Variants in LGSN observed in about 807,000 individuals in gnomAD.
LGSN encodes the protein lengsin, lens protein with glutamine synthetase domain.
Under a neutral mutation model 19.5 loss-of-function variants are expected in LGSN, and 21 were observed. That is an observed-to-expected ratio of 1.07 (90% CI 0.76 to 1.55). The LOEUF is 1.55. Ranked by LOEUF, LGSN falls within the 40% of genes most tolerant of loss-of-function variation. The pLI, the probability that LGSN is intolerant of heterozygous loss-of-function variation, is 0.00. For missense variants in LGSN, 673 were observed against 608.5 expected, an observed-to-expected ratio of 1.11 and a Z score of -1.12; for synonymous variants, 257 against 215.6, an observed-to-expected ratio of 1.19 and a Z score of -1.68.
the LGSN span, among the ~76,000 whole-genome samples, chr6:63,491,328 A>G: frequency 6.6e-6 from 1 of 152,172 alleles, no homozygotes; most frequent in African/African-American, 2.4e-5. Context: ...ATTGGCATTA[A>G]TCACCACTTC....
chr6:63,429,599 G>A, the LGSN span, among the ~76,000 whole-genome samples: 1 of 152,194 alleles, frequency 6.6e-6, no homozygotes, highest in African/African-American at 2.4e-5. Flanking sequence ...AGCCGAGTGT[G>A]GTCGCGGGCG....
the LGSN span, among the ~76,000 whole-genome samples, chr6:63,477,859 C>G: frequency 6.6e-6 from 1 of 151,410 alleles, no homozygotes; most frequent in Non-Finnish European, 1.5e-5. Flanking sequence ...TTTTTGTTTG[C>G]AGAGGAGGAG....
At chr6:63,340,681 A>G in the LGSN span, among the ~76,000 whole-genome samples, 6 of 141,446 alleles carry the variant, frequency 4.2e-5, no homozygotes, top group South Asian at 1.1e-3. Context: ...TGTTTTTCTG[A>G]TTTCCTTGTA....
At chr6:63,429,314 A>G in the LGSN span, among the ~76,000 whole-genome samples, 1 of 152,104 alleles carries the variant, frequency 6.6e-6, no homozygotes, top group African/African-American at 2.4e-5. Context: ...TATTTTGGCT[A>G]TTTTTTAATA....
chr6:63,339,860 T>G, the LGSN span, among the ~76,000 whole-genome samples: 11 of 152,194 alleles, frequency 7.2e-5, no homozygotes, highest in African/African-American at 2.7e-4. Flanking sequence ...GTAACTTTTA[T>G]ATTCTCATGT....
chr6:63,527,980 C>G, the LGSN span: 1 of 152,124 alleles, frequency 6.6e-6, no homozygotes, highest in South Asian at 2.1e-4. Flanking sequence ...ATGAAAGAAA[C>G]CCACTGGATT....
In LGSN at chr6:63,285,762, TA is replaced by T; in HGVS notation, c.164-10del. 6.2e-7 allele frequency: 1 copy of T among 1,611,726 alleles called. No individual in the cohort carries two copies. Among genetic ancestry groups the T allele is most frequent in the Non-Finnish European group, 8.5e-7 (1 of 1,178,660 alleles). On this transcript the variant is annotated splice_polypyrimidine_tract_variant and intron_variant, in intron 2 of 3. Transcript: ENST00000370657. ...GCTGTCCCTCATGCAATCTGCAAAA[TA>T]AAAAAATAGGTTCTAACTCACGAGA...
the LGSN span, among the ~76,000 whole-genome samples, chr6:63,432,179 G>GAAAAGAAAAGAAAAGA: frequency 3.5e-5 from 4 of 113,648 alleles, no homozygotes; most frequent in East Asian, 2.9e-4. Context: ...GAAAAGGAAA[G>GAAAAGAAAAGAAAAGA]AAAGAAAAGA....
chr6:63,522,401 T>C, the LGSN span, among the ~76,000 whole-genome samples: 2 of 152,176 alleles, frequency 1.3e-5, no homozygotes, highest in East Asian at 3.8e-4. Flanking sequence ...AAATAAGTAG[T>C]CCCTGCAGGA....
chr6:63,343,489 C>G, the LGSN span, among the ~76,000 whole-genome samples: 1 of 152,182 alleles, frequency 6.6e-6, no homozygotes, highest in East Asian at 1.9e-4. Flanking sequence ...AGTTGCTTCC[C>G]TGTCACTCTC....
At chr6:63,468,164 C>A in the LGSN span, among the ~76,000 whole-genome samples, 1 of 152,106 alleles carries the variant, frequency 6.6e-6, no homozygotes, top group Admixed American at 6.6e-5. Flanking sequence ...GAGTTTCACT[C>A]TTGTCACCCA....
chr6:63,500,116 A>T, the LGSN span, among the ~76,000 whole-genome samples: 1 of 152,046 alleles, frequency 6.6e-6, no homozygotes, highest in Admixed American at 6.6e-5. Context: ...CACTTTAATA[A>T]GCTTCTCCTG....
At chr6:63,333,201 G>A in the LGSN span, among the ~76,000 whole-genome samples, 15 of 151,974 alleles carry the variant, frequency 9.9e-5, no homozygotes, top group Admixed American at 9.8e-4. Context: ...CTGCTGGCTG[G>A]TAGAGCCAAG....
chr6:63,412,865 TAAGAGA>T, the LGSN span, among the ~76,000 whole-genome samples: 1 of 78,064 alleles, frequency 1.3e-5, no homozygotes, highest in Non-Finnish European at 2.6e-5. Context: ...AGAGAGAGAG[TAAGAGA>T]AAGAGAAAGA....
chr6:63,414,322 TC>T, the LGSN span, among the ~76,000 whole-genome samples: 2 of 152,246 alleles, frequency 1.3e-5, no homozygotes, highest in East Asian at 1.9e-4. Context: ...CTGTAAAATA[TC>T]CCCCCATTTC....
chr6:63,552,794 C>A, the LGSN span, among the ~76,000 whole-genome samples: 1 of 152,132 alleles, frequency 6.6e-6, no homozygotes, highest in South Asian at 2.1e-4. Flanking sequence ...AATAGGGAAA[C>A]CTTTCCCCAT....
the LGSN span, among the ~76,000 whole-genome samples, chr6:63,432,189 A>G: frequency 0.035 from 973 of 27,500 alleles, 11 homozygotes; most frequent in African/African-American, 0.051. Flanking sequence ...GAAAGAAAAG[A>G]AAAGAAAAGA....
chr6:63,461,966 T>C, the LGSN span, among the ~76,000 whole-genome samples: 3 of 152,214 alleles, frequency 2.0e-5, no homozygotes, highest in Non-Finnish European at 4.4e-5. Context: ...AGCTTCATTT[T>C]TTTTCTCCTG....
chr6:63,361,099 G>T, the LGSN span, among the ~76,000 whole-genome samples: 2 of 152,180 alleles, frequency 1.3e-5, no homozygotes, highest in African/African-American at 4.8e-5. Flanking sequence ...GCTACTCGAG[G>T]GTCAGGGACC....
Sources: allele counts gnomAD v4.1 joint callset (sites outside exome capture counted in the v4.1 genomes callset), GRCh38; gene constraint gnomAD v4.1.1; transcripts MANE v1.5; gene names NCBI Gene and HGNC (gene_info 2026-07-23, HGNC 2026-07-21).